The following FER1L6 variants were observed in gnomAD, a reference collection of about 807,000 sequenced individuals.
FER1L6 encodes the protein fer-1-like protein 6.
FER1L6 carries 177 observed loss-of-function variants against 219.2 expected under a neutral mutation model. That is an observed-to-expected ratio of 0.81 (90% CI 0.71 to 0.91). FER1L6 has a LOEUF of 0.91. FER1L6 is among the 40% of genes least tolerant of loss of function. FER1L6 has a pLI of 0.00. For synonymous variants in FER1L6, 768 were observed against 824.3 expected (o/e 0.93, Z 1.17); for missense variants, 2,153 against 2,259.9 (o/e 0.95, Z 0.96).
intron 6 of FER1L6, among the ~76,000 whole-genome samples, chr8:123,972,867 GA>G (rs1429429321): frequency 2.0e-5 from 3 of 152,154 alleles, no homozygotes; most frequent in Non-Finnish European, 4.4e-5. Flanking sequence ...CCTTCCTTTA[GA>G]ACTTCCTCAT....
intron 12 of FER1L6, among the ~76,000 whole-genome samples, chr8:123,998,007 A>G (rs916197840): frequency 3.3e-5 from 5 of 152,100 alleles, no homozygotes; most frequent in African/African-American, 1.2e-4. Context: ...ATTGGTCACT[A>G]GTGCTTTATT....
intron 13 of FER1L6, among the ~76,000 whole-genome samples, chr8:124,006,903 A>G (rs905049786): frequency 1.3e-5 from 2 of 152,228 alleles, no homozygotes; most frequent in African/African-American, 4.8e-5. Context: ...CTTGAACATC[A>G]TTAGCACGAG....
At chr8:123,881,148 T>A (rs1817102174) in intron 1 of FER1L6, among the ~76,000 whole-genome samples, 1 of 152,216 alleles carries the variant, frequency 6.6e-6, no homozygotes, top group Non-Finnish European at 1.5e-5. Context: ...GAGATATAAA[T>A]AATATCTTTT....
At chr8:123,945,083 T>A (rs933164682) in intron 1 of FER1L6, among the ~76,000 whole-genome samples, 2 of 152,232 alleles carry the variant, frequency 1.3e-5, no homozygotes, top group African/African-American at 4.8e-5. Flanking sequence ...GTTTATCATC[T>A]TCAGTAGCAA....
intron 31 of FER1L6, among the ~76,000 whole-genome samples, chr8:124,075,833 G>A (rs1351465559): frequency 1.3e-5 from 2 of 152,190 alleles, no homozygotes; most frequent in African/African-American, 2.4e-5. Flanking sequence ...TAAGCGGTGC[G>A]TGACTGTAGA....
intron 12 of FER1L6, among the ~76,000 whole-genome samples, chr8:123,994,494 C>T (rs967195691): frequency 5.9e-5 from 9 of 152,144 alleles, no homozygotes; most frequent in Non-Finnish European, 1.2e-4. Context: ...TACACATTGG[C>T]GAGACATATC....
At chr8:123,914,553 C>A (rs1282632644) in intron 1 of FER1L6, among the ~76,000 whole-genome samples, 1 of 152,114 alleles carries the variant, frequency 6.6e-6, no homozygotes, top group African/African-American at 2.4e-5. Flanking sequence ...CCACAAATAG[C>A]CTCACCCACT....
At chr8:123,902,170 G>A (rs1229457562) in intron 1 of FER1L6, among the ~76,000 whole-genome samples, 1 of 152,174 alleles carries the variant, frequency 6.6e-6, no homozygotes, top group Non-Finnish European at 1.5e-5. Context: ...GTCTGAGAGA[G>A]TGCTTGATAT....
chr8:123,888,298 G>A (rs1817242061), intron 1 of FER1L6, among the ~76,000 whole-genome samples: 1 of 151,882 alleles, frequency 6.6e-6, no homozygotes, highest in Admixed American at 6.6e-5. Flanking sequence ...TGTAGTTTTA[G>A]TACAGATGGG....
intron 1 of FER1L6, among the ~76,000 whole-genome samples, chr8:123,930,287 A>G (rs1813720299): frequency 6.6e-6 from 1 of 152,162 alleles, no homozygotes; most frequent in South Asian, 2.1e-4. Flanking sequence ...CTCCATTGCC[A>G]CAAGGATCCC....
intron 18 of FER1L6, among the ~76,000 whole-genome samples, chr8:124,030,973 A>G (rs933428176): frequency 6.6e-6 from 1 of 152,126 alleles, no homozygotes; most frequent in Admixed American, 6.5e-5. Context: ...GTCTCATGCA[A>G]TATTTATATA....
At chr8:124,054,865 C>T (rs1820209746) in intron 22 of FER1L6, among the ~76,000 whole-genome samples, 1 of 152,134 alleles carries the variant, frequency 6.6e-6, no homozygotes, top group Admixed American at 6.6e-5. Flanking sequence ...AGAGGACTCT[C>T]GGCACAATGA....
At chr8:123,970,376 G>A (rs1815749737) in intron 6 of FER1L6, among the ~76,000 whole-genome samples, 1 of 152,166 alleles carries the variant, frequency 6.6e-6, no homozygotes, top group Admixed American at 6.5e-5. Flanking sequence ...GTGGGAATGT[G>A]AGACACGTGC....
chr8:124,023,868 G>T (rs1818579905), intron 18 of FER1L6, among the ~76,000 whole-genome samples: 2 of 150,232 alleles, frequency 1.3e-5, no homozygotes, highest in African/African-American at 2.5e-5. Context: ...TTACCTCTTT[G>T]ATTACTAGTA....
intron 1 of FER1L6, among the ~76,000 whole-genome samples, chr8:123,884,433 G>T (rs545752265): frequency 2.1e-4 from 32 of 152,300 alleles, no homozygotes; most frequent in Admixed American, 9.2e-4. Flanking sequence ...CCATAACTTG[G>T]CTGGGGAGGT....
At chr8:124,033,256 C>T (rs936176807) in intron 18 of FER1L6, among the ~76,000 whole-genome samples, 2 of 152,144 alleles carry the variant, frequency 1.3e-5, no homozygotes, top group African/African-American at 4.8e-5. Context: ...ACAAAAATTC[C>T]TTTCTTTATG....
At chr8:124,104,695 A>G (rs1478615488) in intron 39 of FER1L6, among the ~76,000 whole-genome samples, 1 of 152,168 alleles carries the variant, frequency 6.6e-6, no homozygotes, top group African/African-American at 2.4e-5. Context: ...ACATCATTCT[A>G]ATTTCTGTAT....
chr8:123,897,177 C>T (rs965625640), intron 1 of FER1L6, among the ~76,000 whole-genome samples: 3 of 152,142 alleles, frequency 2.0e-5, no homozygotes, highest in Non-Finnish European at 4.4e-5. Context: ...CAGTCCTCAC[C>T]TGGAATAATG....
chr8:124,037,721 A>G (rs1253821623), intron 19 of FER1L6, among the ~76,000 whole-genome samples: 2 of 152,130 alleles, frequency 1.3e-5, no homozygotes, highest in Non-Finnish European at 2.9e-5. Context: ...GGTGGAGGGT[A>G]GAGGGACAGA....
Sources: allele counts gnomAD v4.1 joint callset (sites outside exome capture counted in the v4.1 genomes callset), GRCh38; gene constraint gnomAD v4.1.1; transcripts MANE v1.5; gene names NCBI Gene and HGNC (gene_info 2026-07-23, HGNC 2026-07-21).